KATNIP: variants seen among roughly 807,000 people sequenced by gnomAD.
KATNIP encodes katanin interacting protein, also known as katanin-interacting protein.
KATNIP carries 126 observed loss-of-function variants against 174.0 expected under a neutral mutation model. That is an observed-to-expected ratio of 0.72 (90% CI 0.63 to 0.84). The LOEUF (loss-of-function observed/expected upper bound fraction) is 0.84, where lower values mean the gene tolerates loss of function less well. Ranked by LOEUF, KATNIP falls within the 40% of genes least tolerant of loss-of-function variation. The probability of loss-of-function intolerance (pLI) is 0.00; values close to 1 mark genes in which losing one functional copy is unlikely to be tolerated. For synonymous variants in KATNIP, 810 were observed against 835.7 expected (o/e 0.97, Z 0.53); for missense variants, 1,958 against 2,109.7 (o/e 0.93, Z 1.41).
intron 13 of KATNIP, among the ~76,000 whole-genome samples, chr16:27,712,372 G>C (rs554525584): frequency 6.6e-6 from 1 of 152,096 alleles, no homozygotes; most frequent in Non-Finnish European, 1.5e-5. Flanking sequence ...TTGCACCAGC[G>C]TGTGGCAGCC....
chr16:27,778,003 C>T, intron 27 of KATNIP, 34 bp downstream of exon 27: 1 of 1,591,242 alleles, frequency 6.3e-7, no homozygotes, highest in South Asian at 1.1e-5. Flanking sequence ...AGCATTGTGC[C>T]TTGGGAGCTC....
chr16:27,629,022 G>C (rs1268863021), intron 4 of KATNIP, among the ~76,000 whole-genome samples, 192 bp downstream of exon 4: 1 of 151,916 alleles, frequency 6.6e-6, no homozygotes, highest in African/African-American at 2.4e-5. Flanking sequence ...ACGAAAATTA[G>C]CCAGGCATGA....
At chr16:27,740,949 G>GCAT (rs1567379314) in intron 15 of KATNIP, 29 bp downstream of exon 15, 1 of 1,557,822 alleles carries the variant, frequency 6.4e-7, no homozygotes. Context: ...CCCGACTTGG[G>GCAT]CATCATCATC....
intron 6 of KATNIP, among the ~76,000 whole-genome samples, chr16:27,653,129 T>G (rs2077167714): frequency 6.6e-6 from 1 of 152,198 alleles, no homozygotes; most frequent in African/African-American, 2.4e-5. Context: ...GCATATTTCA[T>G]TATATCCAAG....
chr16:27,630,307 A>G (rs2076447715), intron 4 of KATNIP, among the ~76,000 whole-genome samples: 1 of 152,226 alleles, frequency 6.6e-6, no homozygotes, highest in Admixed American at 6.5e-5. Flanking sequence ...GGAAGATTAA[A>G]TGATGTAAGA....
At position 27,751,830 on chromosome 16, in the gene KATNIP, T is replaced by C; in HGVS notation, c.3458T>C (p.Leu1153Pro). 2.5e-6 allele frequency: 4 copies of C among 1,614,200 alleles called. No homozygotes were observed. The highest frequency in any genetic ancestry group is 3.4e-6 in the Non-Finnish European group (4 of 1,180,038). The change falls in exon 17 of 28, where the codon CTG becomes CCG. Residue 1153 changes from leucine (L) to proline (P), a missense_variant. Coordinates refer to ENST00000261588, the MANE Select transcript of KATNIP (RefSeq NM_015202.5). ...CTGGATGTGGGGAGCCTGGACAGCCTGCAGGATGAAGAGGCAATGAGGAGG... is the reference window on the plus strand; with the variant it reads ...CTGGATGTGGGGAGCCTGGACAGCCCGCAGGATGAAGAGGCAATGAGGAGG... ...FDLDVGSLDSLQDEEAMRRPS... is the reference protein window; with the variant it reads ...FDLDVGSLDSPQDEEAMRRPS...
At chr16:27,565,914 T>G (rs2090072198) in intron 1 of KATNIP, among the ~76,000 whole-genome samples, 1 of 152,148 alleles carries the variant, frequency 6.6e-6, no homozygotes, top group Non-Finnish European at 1.5e-5. Flanking sequence ...GCCTTAAAAT[T>G]TTTTAAATTA....
chr16:27,682,998 C>A (rs1181443919), intron 8 of KATNIP, among the ~76,000 whole-genome samples: 1 of 152,188 alleles, frequency 6.6e-6, no homozygotes, highest in African/African-American at 2.4e-5. Context: ...ATGCGGCACC[C>A]TTGACCTTGG....
chr16:27,668,156 C>T (rs902022169), intron 6 of KATNIP, among the ~76,000 whole-genome samples: 16 of 152,166 alleles, frequency 1.1e-4, no homozygotes, highest in African/African-American at 3.6e-4. Flanking sequence ...AGACCAGTTG[C>T]TTCCAAGTTG....
chr16:27,766,595 G>A, intron 20 of KATNIP, 121 bp downstream of exon 20: 1 of 1,012,942 alleles, frequency 9.9e-7, no homozygotes, highest in Non-Finnish European at 1.4e-6. Flanking sequence ...ACGGAGCTGG[G>A]GGCGTTATGT....
chr16:27,586,251 A>G (rs1268253056), intron 2 of KATNIP, among the ~76,000 whole-genome samples: 1 of 152,068 alleles, frequency 6.6e-6, no homozygotes, highest in East Asian at 1.9e-4. Context: ...ACTCATAAAT[A>G]TATACACCCA....
rs746027035 is a variant in KATNIP at position 27,777,836 on chromosome 16, C to T, written c.4713-45C>T. ...AAGGAGGATGGATGGCTGGGACACA[C>T]GGCCAGGAGCCTGATCGAATCTTGT... On this transcript the variant is annotated intron_variant, in intron 26 of 27. Transcript: ENST00000261588. The surrounding 1 kb of genome is among the most constrained non-coding windows in gnomAD (Gnocchi z 4.4). The T allele has an allele frequency of 2.0e-5, 32 of 1,612,672 alleles. No homozygotes were observed. Among genetic ancestry groups the T allele is most frequent in the Admixed American group, 1.8e-4 (11 of 59,996 alleles).
chr16:27,726,574 G>A (rs1305054301), intron 14 of KATNIP, among the ~76,000 whole-genome samples: 1 of 152,218 alleles, frequency 6.6e-6, no homozygotes, highest in Non-Finnish European at 1.5e-5. Flanking sequence ...AATAGACAAG[G>A]CCCTGTCCCC....
chr16:27,724,176 G>A (rs567274509), intron 14 of KATNIP, among the ~76,000 whole-genome samples: 4 of 152,216 alleles, frequency 2.6e-5, no homozygotes, highest in Middle Eastern at 3.4e-3. Flanking sequence ...CTCAGACCCC[G>A]GAATGCAGCC....
At position 27,776,395 on chromosome 16, in the gene KATNIP, A is replaced by G. The variant is rs2144291011; in HGVS notation, c.4450-533A>G. Among the ~76,000 whole-genome samples the G allele has an allele frequency of 6.6e-6, 1 of 152,062 alleles. No individual in the cohort carries two copies. Among genetic ancestry groups the G allele is most frequent in the Non-Finnish European group, 1.5e-5 (1 of 67,966 alleles). On this transcript the variant is annotated intron_variant, in intron 24 of 27. Coordinates refer to ENST00000261588, the MANE Select transcript of KATNIP (RefSeq NM_015202.5). This position sits in a 1 kb window ranked among gnomAD's most constrained non-coding sequence, Gnocchi z 4.7. ...GAGGCTGCTCCGTCCCACTTTTCCC[A>G]CTGGATTCTGCCCCGATCTAGACAG...
chr16:27,702,538 G>A (rs991865245), intron 11 of KATNIP, among the ~76,000 whole-genome samples: 1 of 152,226 alleles, frequency 6.6e-6, no homozygotes, highest in African/African-American at 2.4e-5. Context: ...CTGCACAGCT[G>A]TGCATGTTGT....
At position 27,698,474 on chromosome 16, in the gene KATNIP, G is replaced by A. The variant is rs141132949; in HGVS notation, c.1087G>A (p.Ala363Thr). The change falls in exon 9 of 28, where the codon GCC becomes ACC. Residue 363 changes from alanine to threonine, a missense_variant. Physicochemically the swap from Ala to Thr is moderately conservative, Grantham distance 58. Coordinates refer to ENST00000261588, the MANE Select transcript of KATNIP (RefSeq NM_015202.5). Reference sequence around the variant, plus strand: ...GCAGAGGGCGCTCCTCAGCAGAAAGGCCGAGCAGCCAGCCAGCCCACTGCA... The same window carrying A: ...GCAGAGGGCGCTCCTCAGCAGAAAGACCGAGCAGCCAGCCAGCCCACTGCA... The part of the protein sequence containing the change: ...ALQRALLSRK[A>T]EQPASPLQDA... The A allele has an allele frequency of 6.8e-6, 11 of 1,611,050 alleles. No individual in the cohort carries two copies. In the African/African-American group the frequency reaches 9.3e-5, roughly 14 times the overall value.
chr16:27,629,262 C>T (rs2076421405), intron 4 of KATNIP, among the ~76,000 whole-genome samples: 1 of 151,856 alleles, frequency 6.6e-6, no homozygotes, highest in Non-Finnish European at 1.5e-5. Flanking sequence ...AGAAAGAGAG[C>T]ATAAGAATGA....
chr16:27,651,582 A>G (rs955344744), intron 6 of KATNIP, among the ~76,000 whole-genome samples: 1 of 152,202 alleles, frequency 6.6e-6, no homozygotes, highest in African/African-American at 2.4e-5. Context: ...CTCGCCTTTA[A>G]TCACATCTTC....
Sources: gnomAD v4.1 joint callset for allele counts (sites outside exome capture counted in the v4.1 genomes callset) on GRCh38, gnomAD v4.1.1 for gene constraint, Gnocchi (gnomAD v3.1) non-coding constraint, MANE v1.5 for transcripts, NCBI Gene and HGNC (gene_info 2026-07-23, HGNC 2026-07-21) for gene names.